Variants in NEK11 observed in about 807,000 individuals in gnomAD.
NEK11 encodes NIMA related kinase 11.
Under a neutral mutation model 80.7 loss-of-function variants are expected in NEK11, and 72 were observed. The ratio of observed to expected loss-of-function variants is 0.89; its 90% CI spans 0.74 to 1.08. The LOEUF is 1.08. Among genes scored for constraint, NEK11 ranks in the 50% least tolerant of loss-of-function variants. The pLI is 0.00. For missense variants in NEK11, 764 were observed against 763.6 expected, an observed-to-expected ratio of 1.00 and a Z score of -0.01; for synonymous variants, 251 against 260.7, an observed-to-expected ratio of 0.96 and a Z score of 0.36.
intron 7 of NEK11, among the ~76,000 whole-genome samples, chr3:131,152,106 A>G (rs1295821590): frequency 2.0e-5 from 3 of 152,138 alleles, no homozygotes; most frequent in African/African-American, 7.2e-5. Context: ...AATTCTTACT[A>G]TGTGCAGGCA....
At chr3:131,051,068 CTTT>C (rs2068317123) in intron 3 of NEK11, among the ~76,000 whole-genome samples, 1 of 152,164 alleles carries the variant, frequency 6.6e-6, no homozygotes, top group Non-Finnish European at 1.5e-5. Flanking sequence ...AAGCCTACTT[CTTT>C]AAAATTTGGG....
intron 16 of NEK11, among the ~76,000 whole-genome samples, chr3:131,249,152 T>C (rs72991524): frequency 8.7e-4 from 132 of 152,054 alleles, no homozygotes; most frequent in African/African-American, 3.0e-3. Context: ...TAAGAGGAGA[T>C]GGAAGCAGAT....
At chr3:131,295,737 C>G (rs1245016220) in intron 17 of NEK11, among the ~76,000 whole-genome samples, 1 of 152,038 alleles carries the variant, frequency 6.6e-6, no homozygotes, top group Non-Finnish European at 1.5e-5. Context: ...TGAGCAGATT[C>G]CCTTATCTCT....
intron 4 of NEK11, among the ~76,000 whole-genome samples, chr3:131,093,995 C>G (rs148587052): frequency 6.8e-6 from 1 of 147,778 alleles, no homozygotes; most frequent in African/African-American, 2.5e-5. Context: ...ATCTAGGATG[C>G]CATTTGCTTC....
Position 131,168,905 on chromosome 3 carries a change from G to T in NEK11, c.1252G>T (p.Glu418Ter), listed in dbSNP as rs762620816. The T allele has an allele frequency of 1.2e-6, 2 of 1,613,824 alleles. No homozygotes were observed. The highest frequency in any genetic ancestry group is 2.7e-5 in the African/African-American group (2 of 74,920). Residue 418 changes from glutamate (E) to a stop codon, truncating the protein, a stop_gained, in exon 13 of 18, where the codon GAG (glutamate) becomes TAG (stop). Transcript: ENST00000383366. LOFTEE classifies it high-confidence loss of function. ...EGRLSCSPQD[E>*]DEERWQGREE... ...AAGACTTTCTTGTTCACCCCAGGAC[G>T]AGGATGAAGAGAGGTGGCAAGGCAG...
chr3:131,138,514 G>A (rs546782491), intron 7 of NEK11, among the ~76,000 whole-genome samples: 4 of 152,270 alleles, frequency 2.6e-5, no homozygotes, highest in African/African-American at 7.2e-5. Context: ...ACACAAACCT[G>A]GCTGGCTTCA....
intron 14 of NEK11, among the ~76,000 whole-genome samples, chr3:131,183,754 A>C (rs2093475323): frequency 6.6e-6 from 1 of 152,034 alleles, no homozygotes; most frequent in South Asian, 2.1e-4. Flanking sequence ...ATACATGTGC[A>C]TGTATCTTTA....
In NEK11 at chr3:131,080,607, C is replaced by A; in HGVS notation, c.336+19C>A. ...CTGTGAGGTGAGACTCTCCTTTTCT[C>A]TTGGAAGTCTTTATAAAAACTTGCT... On this transcript the variant is annotated intron_variant, in intron 4 of 17. Coordinates refer to ENST00000383366, the MANE Select transcript of NEK11 (RefSeq NM_024800.5). 3 of 1,583,472 alleles carry A rather than the reference C, an allele frequency of 1.9e-6. No individual in the cohort carries two copies. The highest frequency in any genetic ancestry group is 2.6e-6 in the Non-Finnish European group (3 of 1,169,198).
At chr3:131,277,100 G>A (rs898826611) in intron 17 of NEK11, among the ~76,000 whole-genome samples, 4 of 152,060 alleles carry the variant, frequency 2.6e-5, no homozygotes, top group African/African-American at 9.7e-5. Context: ...AAGAAATATT[G>A]TTTGTCCTGA....
intron 3 of NEK11, among the ~76,000 whole-genome samples, chr3:131,065,929 A>G (rs2071843606): frequency 1.3e-5 from 2 of 152,206 alleles, no homozygotes; most frequent in Admixed American, 1.3e-4. Context: ...AGGGATCTCA[A>G]TGGCATTAGG....
At chr3:131,031,794 T>A (rs1378345249) in intron 3 of NEK11, among the ~76,000 whole-genome samples, 1 of 151,958 alleles carries the variant, frequency 6.6e-6, no homozygotes, top group African/African-American at 2.4e-5. Context: ...ATGAATCCAG[T>A]GGTGAGGATA....
At chr3:131,065,592 G>T (rs1007591504) in intron 3 of NEK11, among the ~76,000 whole-genome samples, 7 of 152,294 alleles carry the variant, frequency 4.6e-5, no homozygotes, top group East Asian at 3.9e-4. Flanking sequence ...AATTGGGGTG[G>T]TGGGGGAGGA....
chr3:131,288,636 G>C (rs2096506316), intron 17 of NEK11, among the ~76,000 whole-genome samples: 1 of 151,754 alleles, frequency 6.6e-6, no homozygotes, highest in African/African-American at 2.4e-5. Context: ...ATTTTTAGTA[G>C]AGATGGGGTT....
intron 17 of NEK11, among the ~76,000 whole-genome samples, chr3:131,339,843 T>G (rs896801083): frequency 6.6e-6 from 1 of 152,182 alleles, no homozygotes; most frequent in African/African-American, 2.4e-5. Flanking sequence ...CTGGTGTAGG[T>G]GGAGCTCTCT....
chr3:131,320,520 GGAGAGA>G lies in NEK11; in HGVS notation c.1719-29022_1719-29017del, dbSNP rs144796371. Among the ~76,000 whole-genome samples, 1,492 of 150,044 alleles carry G rather than the reference GGAGAGA, an allele frequency of 9.9e-3. 21 individuals are homozygous for G. Among genetic ancestry groups the G allele is most frequent in the African/African-American group, 0.032 (1,332 of 41,100 alleles). On this transcript the variant is annotated intron_variant, in intron 17 of 17. Transcript: ENST00000383366. ...GTCCTCCAGAGATGGGGAAGAGGAGGGAGAGAGAGAGAGAGAGAGAAGGAAAGACAG... is the reference window on the plus strand; with the variant it reads ...GTCCTCCAGAGATGGGGAAGAGGAGGGAGAGAGAGAGAGAAGGAAAGACAG...
At chr3:131,204,710 A>G (rs1366832706) in intron 14 of NEK11, among the ~76,000 whole-genome samples, 1 of 152,050 alleles carries the variant, frequency 6.6e-6, no homozygotes, top group Non-Finnish European at 1.5e-5. Context: ...CAAATGTACA[A>G]CACATCTATT....
At chr3:131,034,034 T>G (rs1269536428) in intron 3 of NEK11, among the ~76,000 whole-genome samples, 1 of 152,218 alleles carries the variant, frequency 6.6e-6, no homozygotes. Flanking sequence ...AAAAAGATTG[T>G]GCTAGTTCTT....
chr3:131,224,181 A>G (rs2095118192), intron 14 of NEK11, among the ~76,000 whole-genome samples: 1 of 152,120 alleles, frequency 6.6e-6, no homozygotes, highest in African/African-American at 2.4e-5. Flanking sequence ...GCATATATTT[A>G]TGTACAGTAT....
intron 3 of NEK11, among the ~76,000 whole-genome samples, chr3:131,065,306 A>G (rs1396300642): frequency 1.3e-5 from 2 of 152,230 alleles, no homozygotes; most frequent in Non-Finnish European, 2.9e-5. Context: ...CAAGGAAAAC[A>G]TTCCTAGCAC....
Sources: gnomAD v4.1 joint callset for allele counts (sites outside exome capture counted in the v4.1 genomes callset) on GRCh38, gnomAD v4.1.1 for gene constraint, MANE v1.5 for transcripts, NCBI Gene and HGNC (gene_info 2026-07-23, HGNC 2026-07-21) for gene names.